MED27: variants seen among roughly 807,000 people sequenced by gnomAD.
The protein encoded by MED27 is mediator of RNA polymerase II transcription subunit 27.
In MED27, 30 loss-of-function variants were observed where a neutral mutation model predicts 38.2. The observed-to-expected ratio is 0.79, with a 90% CI of 0.59 to 1.07. The LOEUF (loss-of-function observed/expected upper bound fraction) is 1.07. MED27 is among the 50% of genes least tolerant of loss of function. MED27 has a pLI of 0.00. For missense variants in MED27, 289 were observed against 397.5 expected (o/e 0.73, Z 2.32); for synonymous variants, 122 against 153.5 (o/e 0.79, Z 1.52).
chr9:132,046,120 G>A (rs539470867), intron 2 of MED27, among the ~76,000 whole-genome samples: 3 of 152,274 alleles, frequency 2.0e-5, no homozygotes, highest in African/African-American at 7.2e-5. Context: ...ACTAAATTTA[G>A]CAAGTAGGCA....
rs374545103 is a variant in MED27 at position 132,040,502 on chromosome 9, C to T, written c.349-26035G>A. Among the ~76,000 whole-genome samples, 15 of 152,238 alleles carry T rather than the reference C, an allele frequency of 9.9e-5. No homozygotes were observed. In the East Asian group the frequency reaches 1.4e-3, roughly 14 times the overall value. On this transcript the variant is annotated intron_variant, in intron 2 of 7. Coordinates refer to ENST00000292035, the MANE Select transcript of MED27 (RefSeq NM_004269.4). ...CGAGAGACTGCCCGTACAAATGTCA[C>T]GAGAAAGCTATAAATAGGGCTTTAG...
At chr9:131,920,304 G>A (rs1448244351) in intron 4 of MED27, among the ~76,000 whole-genome samples, 1 of 152,160 alleles carries the variant, frequency 6.6e-6, no homozygotes, top group Non-Finnish European at 1.5e-5. Context: ...CTCAAAACCA[G>A]GATTGCACAG....
Position 132,073,628 on chromosome 9 carries a change from A to G in MED27, c.348+3814T>C. On this transcript the variant is annotated intron_variant, in intron 2 of 7. Coordinates refer to ENST00000292035, the MANE Select transcript of MED27 (RefSeq NM_004269.4). ...GATAGATGTGAGAGGTGAACTTTGC[A>G]GTAACTTAGTCATTAAGCAACTGGA... is the stretch of plus-strand genomic sequence containing the variant. The G allele has an allele frequency of 2.8e-6, 4 of 1,450,422 alleles. No homozygotes were observed. In the South Asian group the frequency reaches 4.3e-5, roughly 15 times the overall value. The allele number at this position is 1,450,422 out of a possible 1,614,324, so 89.8% of individuals were successfully genotyped here. A position where few individuals can be genotyped will look rare whatever the true frequency, so the allele number is the denominator to read the frequency against.
chr9:132,069,966 C>T lies in MED27; in HGVS notation c.348+7476G>A, dbSNP rs541084609. Among the ~76,000 whole-genome samples the T allele has an allele frequency of 6.6e-5, 10 of 152,286 alleles. No homozygotes were observed. In the East Asian group the frequency reaches 1.4e-3, roughly 21 times the overall value. ...ATGAGCAAGAATAAAGGACAGTCGC[C>T]GCAAGCACGCCACACTGGGCACCGG... On this transcript the variant is annotated intron_variant, in intron 2 of 7. Transcript: ENST00000292035.
In MED27 at chr9:131,957,064, C is replaced by T. The variant is rs78483480; in HGVS notation, c.480-17590G>A. 2.6e-3 allele frequency among the ~76,000 whole-genome samples: 401 copies of T among 152,274 alleles called. 3 individuals carry two copies. The highest frequency in any genetic ancestry group is 3.1e-3 in the Non-Finnish European group (211 of 68,020). On this transcript the variant is annotated intron_variant, in intron 3 of 7. Transcript: ENST00000292035. Reference sequence around the variant, plus strand: ...TCGGTGAGGATGCAGAGCAAGGAGACGTCGCATTCGCTGCCGGTAGGAGTA... The same window carrying T: ...TCGGTGAGGATGCAGAGCAAGGAGATGTCGCATTCGCTGCCGGTAGGAGTA...
intron 2 of MED27, among the ~76,000 whole-genome samples, chr9:132,066,855 A>G (rs1833820995): frequency 6.6e-6 from 1 of 152,216 alleles, no homozygotes; most frequent in African/African-American, 2.4e-5. Flanking sequence ...AAAGAAAATG[A>G]AAAAAATAAT....
chr9:131,912,867 A>G (rs1232818020), intron 4 of MED27, among the ~76,000 whole-genome samples: 1 of 152,230 alleles, frequency 6.6e-6, no homozygotes, highest in Non-Finnish European at 1.5e-5. Context: ...CCCATTTGCA[A>G]TTAATACGAC....
At chr9:132,045,528 G>C (rs975228030) in intron 2 of MED27, among the ~76,000 whole-genome samples, 1 of 151,944 alleles carries the variant, frequency 6.6e-6, no homozygotes, top group African/African-American at 2.4e-5. Flanking sequence ...GGTTATATTT[G>C]AGTGGTAAAG....
chr9:131,951,588 T>C (rs976199341), intron 3 of MED27, among the ~76,000 whole-genome samples: 5 of 152,232 alleles, frequency 3.3e-5, no homozygotes, highest in Non-Finnish European at 2.9e-5. Context: ...TTAACCTCTC[T>C]AAGCTTTGGC....
intron 2 of MED27, among the ~76,000 whole-genome samples, chr9:132,035,806 A>G (rs1032346262): frequency 3.9e-5 from 6 of 152,124 alleles, no homozygotes; most frequent in Admixed American, 2.6e-4. Flanking sequence ...CTACCAAAAA[A>G]TTTTTAAAAT....
intron 3 of MED27, among the ~76,000 whole-genome samples, chr9:131,955,101 C>A (rs946615424): frequency 6.6e-6 from 1 of 151,976 alleles, no homozygotes; most frequent in South Asian, 2.1e-4. Context: ...CTGACCACAA[C>A]TGAAGTGAAA....
At chr9:131,869,502 C>T (rs905071153) in intron 6 of MED27, 50 of 803,246 alleles carry the variant, frequency 6.2e-5, no homozygotes, top group Non-Finnish European at 6.9e-5. Flanking sequence ...AGATAAAAGC[C>T]GCCCTCCCCC....
At chr9:131,940,735 G>C (rs1323118020) in intron 3 of MED27, among the ~76,000 whole-genome samples, 2 of 152,142 alleles carry the variant, frequency 1.3e-5, no homozygotes, top group African/African-American at 2.4e-5. Context: ...CTTTTCATTT[G>C]ATTAGTTTTC....
chr9:131,952,574 G>A (rs1276324166), intron 3 of MED27, among the ~76,000 whole-genome samples: 1 of 152,150 alleles, frequency 6.6e-6, no homozygotes, highest in African/African-American at 2.4e-5. Flanking sequence ...GCTGACCCAC[G>A]TGGACTGCAT....
intron 2 of MED27, among the ~76,000 whole-genome samples, chr9:132,061,639 T>C (rs530991835): frequency 6.6e-6 from 1 of 152,132 alleles, no homozygotes; most frequent in South Asian, 2.1e-4. Context: ...GAAACAGGAG[T>C]GAGCTGAACA....
chr9:131,937,179 G>C (rs1327807069), intron 4 of MED27, among the ~76,000 whole-genome samples: 1 of 152,140 alleles, frequency 6.6e-6, no homozygotes, highest in Admixed American at 6.5e-5. Flanking sequence ...ATAGCCTAGA[G>C]ATTTGCCATC....
intron 2 of MED27, among the ~76,000 whole-genome samples, chr9:132,038,527 T>G (rs967657733): frequency 2.0e-5 from 3 of 152,182 alleles, no homozygotes; most frequent in Non-Finnish European, 4.4e-5. Flanking sequence ...GAAATATCAC[T>G]GAAATAAACA....
intron 3 of MED27, among the ~76,000 whole-genome samples, chr9:131,983,736 T>G (rs1831789022): frequency 6.6e-6 from 1 of 152,252 alleles, no homozygotes; most frequent in Non-Finnish European, 1.5e-5. Flanking sequence ...CACAATATTT[T>G]GCTTCTATAT....
At chr9:131,865,994 C>T (rs939796140) in intron 6 of MED27, among the ~76,000 whole-genome samples, 4 of 152,174 alleles carry the variant, frequency 2.6e-5, no homozygotes, top group Non-Finnish European at 4.4e-5. Context: ...AGCGGTGACA[C>T]GTGCAGTTTG....
Sources: gnomAD v4.1 joint callset for allele counts (sites outside exome capture counted in the v4.1 genomes callset) on GRCh38, gnomAD v4.1.1 for gene constraint, MANE v1.5 for transcripts, NCBI Gene and HGNC (gene_info 2026-07-23, HGNC 2026-07-21) for gene names.